The following ATRX variants were observed in gnomAD, a reference collection of about 807,000 sequenced individuals.
The protein encoded by ATRX is ATRX chromatin remodeler.
Under a neutral mutation model 172.6 loss-of-function variants are expected in ATRX, and 12 were observed. That is an observed-to-expected ratio of 0.07 (90% CI 0.04 to 0.11). The LOEUF is 0.11. ATRX is among the 10% of genes least tolerant of loss of function. ATRX has a pLI of 1.00. For missense variants in ATRX, 1,368 were observed against 1,767.4 expected (o/e 0.77, Z 4.05); for synonymous variants, 674 against 594.7 (o/e 1.13, Z -1.94).
intron 21 of ATRX, among the ~76,000 whole-genome samples, chrX:77,618,046 A>G (rs1557097826): frequency 9.0e-6 from 1 of 111,587 alleles, no homozygotes; most frequent in East Asian, 2.8e-4. Flanking sequence ...CACTGTACCT[A>G]GCCTCTGTCC....
chrX:77,718,261 A>G lies in ATRX; in HGVS notation c.21-1018T>C, dbSNP rs45579740. Reference sequence around the variant, plus strand: ...TTCCATCCTCTGCTTGACATAGAAGAACTGTCTAACTGACTGGCATAAAGA... The same window carrying G: ...TTCCATCCTCTGCTTGACATAGAAGGACTGTCTAACTGACTGGCATAAAGA... On this transcript the variant is annotated intron_variant, in intron 1 of 34. Coordinates refer to ENST00000373344, the MANE Select transcript of ATRX (RefSeq NM_000489.6). Among the ~76,000 whole-genome samples, 82 of 109,776 alleles carry G rather than the reference A, an allele frequency of 7.5e-4. No homozygotes were observed. The East Asian group carries it at 0.02, about 26-fold the overall frequency.
Position 77,683,999 on chromosome X carries a change from C to T in ATRX, c.1257G>A (p.Ala419=), listed in dbSNP as rs185550133. 30 of 1,206,421 alleles carry T rather than the reference C, an allele frequency of 2.5e-5. No homozygotes were observed. In the East Asian group the frequency reaches 5.9e-4, roughly 24 times the overall value. Residue 419 remains alanine (A), a synonymous_variant, in exon 9 of 35, where the codon GCG becomes GCA. Transcript: ENST00000373344. The stretch of plus-strand genomic sequence containing the variant: ...TTTTCTCTTTGTTTACAGCATCCAT[C>T]GCTCGAAACTCGGAATTTAAGTCTT... The part of the protein sequence containing the change: ...LEEDLNSEFR[A]MDAVNKEKNT...
intron 30 of ATRX, among the ~76,000 whole-genome samples, chrX:77,550,008 T>C (rs1173023302): frequency 1.8e-5 from 2 of 111,702 alleles, no homozygotes; most frequent in African/African-American, 3.3e-5. Context: ...ATAAAAATAA[T>C]AAAGTAATGA....
intron 27 of ATRX, among the ~76,000 whole-genome samples, chrX:77,574,890 A>ATG (rs781852651): frequency 1.5e-3 from 159 of 107,979 alleles, no homozygotes; most frequent in African/African-American, 4.2e-3. Context: ...GTGTGTGTGT[A>ATG]TGTGTGTGTG....
At chrX:77,768,518 A>G (rs1304755248) in intron 1 of ATRX, among the ~76,000 whole-genome samples, 1 of 112,078 alleles carries the variant, frequency 8.9e-6, no homozygotes, top group Admixed American at 9.5e-5. Flanking sequence ...CTATTTATTT[A>G]TTCAACTGAT....
chrX:77,720,625 G>C (rs2073704960), intron 1 of ATRX, among the ~76,000 whole-genome samples: 1 of 111,521 alleles, frequency 9.0e-6, no homozygotes, highest in Non-Finnish European at 1.9e-5. Context: ...GACTAAACAA[G>C]GAAGAAGTCG....
intron 2 of ATRX, among the ~76,000 whole-genome samples, chrX:77,703,402 G>A (rs1163088343): frequency 5.3e-5 from 6 of 112,966 alleles, no homozygotes; most frequent in East Asian, 2.8e-4. Flanking sequence ...AGCAGGGCAC[G>A]CAGCTCCAGG....
chrX:77,595,354 T>C (rs1211847870), intron 25 of ATRX: 3 of 111,785 alleles, frequency 2.7e-5, no homozygotes, highest in Non-Finnish European at 5.6e-5. Context: ...CTACCAGGTC[T>C]CCAGGGAATC....
intron 30 of ATRX, among the ~76,000 whole-genome samples, chrX:77,540,605 T>A (rs1569519768): frequency 8.9e-6 from 1 of 111,912 alleles, no homozygotes; most frequent in South Asian, 3.7e-4. Context: ...ATGGAAATCA[T>A]AACAAACAGT....
chrX:77,676,126 C>T (rs1557133263), intron 10 of ATRX, 100 bp downstream of exon 10: 2 of 812,712 alleles, frequency 2.5e-6, no homozygotes, highest in Non-Finnish European at 1.8e-6. Flanking sequence ...GGCAGGCACT[C>T]CTGGTTTTTA....
chrX:77,632,384 C>A (rs782348622), intron 19 of ATRX, among the ~76,000 whole-genome samples: 4 of 111,322 alleles, frequency 3.6e-5, no homozygotes, highest in Non-Finnish European at 7.5e-5. Context: ...AACAATAAAC[C>A]AGCCACAAGA....
chrX:77,661,136 T>C (rs1227579228), intron 12 of ATRX, among the ~76,000 whole-genome samples: 2 of 112,352 alleles, frequency 1.8e-5, no homozygotes, highest in African/African-American at 6.5e-5. Context: ...TCTTGGGTGT[T>C]AGTAATCAAC....
At chrX:77,549,137 C>T (rs1425907511) in intron 30 of ATRX, among the ~76,000 whole-genome samples, 2 of 111,772 alleles carry the variant, frequency 1.8e-5, no homozygotes, top group Non-Finnish European at 1.9e-5. Context: ...GTAATCCCAG[C>T]ACTTTAGGAG....
chrX:77,509,530 G>C (rs2062796073), intron 34 of ATRX, among the ~76,000 whole-genome samples: 1 of 111,853 alleles, frequency 8.9e-6, no homozygotes, highest in African/African-American at 3.3e-5. Flanking sequence ...GCACTAAAGG[G>C]GGTAGGAAAG....
intron 27 of ATRX, among the ~76,000 whole-genome samples, chrX:77,576,548 T>A (rs1294702918): frequency 9.0e-6 from 1 of 111,006 alleles, no homozygotes; most frequent in Non-Finnish European, 1.9e-5. Context: ...ATAAAAAAAC[T>A]AGGGAAGTTA....
chrX:77,686,488 G>A (rs2071561935), intron 7 of ATRX, among the ~76,000 whole-genome samples: 1 of 111,952 alleles, frequency 8.9e-6, no homozygotes, highest in Admixed American at 9.4e-5. Context: ...GGACGAGGAG[G>A]GTGGATCACC....
chrX:77,747,099 T>A (rs1333890557), intron 1 of ATRX, among the ~76,000 whole-genome samples: 1 of 111,239 alleles, frequency 9.0e-6, no homozygotes, highest in African/African-American at 3.3e-5. Context: ...GCGCCCGGCC[T>A]GAAAAAATCC....
intron 10 of ATRX, among the ~76,000 whole-genome samples, chrX:77,668,387 AT>A (rs2070371842): frequency 9.0e-6 from 1 of 111,690 alleles, no homozygotes; most frequent in Non-Finnish European, 1.9e-5. Flanking sequence ...TCCCTAGTTG[AT>A]TCTGTTTGCT....
At chrX:77,544,672 G>A (rs1183709998) in intron 30 of ATRX, among the ~76,000 whole-genome samples, 2 of 107,470 alleles carry the variant, frequency 1.9e-5, no homozygotes, top group Non-Finnish European at 3.8e-5. Context: ...GCGGTGTCTG[G>A]TTTTTTGTTC....
Sources: gnomAD v4.1 joint callset for allele counts (sites outside exome capture counted in the v4.1 genomes callset) on GRCh38, gnomAD v4.1.1 for gene constraint, MANE v1.5 for transcripts, NCBI Gene and HGNC (gene_info 2026-07-23, HGNC 2026-07-21) for gene names.